Variants in CEMIP2 observed in about 807,000 individuals in gnomAD.
The protein encoded by CEMIP2 is cell surface hyaluronidase CEMIP2.
A neutral mutation model predicts 146.9 loss-of-function variants in CEMIP2; 79 were observed. The observed-to-expected ratio is 0.54, with a 90% CI of 0.45 to 0.65. The LOEUF (loss-of-function observed/expected upper bound fraction) is 0.65, where lower values mean the gene tolerates loss of function less well. CEMIP2 is among the 30% of genes least tolerant of loss of function. The pLI is 0.00. For synonymous variants in CEMIP2, 601 were observed against 606.3 expected (o/e 0.99, Z 0.13); for missense variants, 1,596 against 1,696.2 (o/e 0.94, Z 1.04).
At chr9:71,715,647 T>TATAC (rs1554682967) in intron 14 of CEMIP2, among the ~76,000 whole-genome samples, 1 of 138,260 alleles carries the variant, frequency 7.2e-6, no homozygotes, top group Admixed American at 7.3e-5. Context: ...TATATATATA[T>TATAC]ACTTTTTTTT....
chr9:71,757,859 TAA>T lies in CEMIP2; in HGVS notation c.-12-7476_-12-7475del, dbSNP rs1229540492. 2.6e-5 allele frequency among the ~76,000 whole-genome samples: 4 copies of T among 152,160 alleles called. No individual in the cohort carries two copies. The South Asian group carries it at 6.2e-4, about 24-fold the overall frequency. ...GTGAACTCAACAAATACCCTGTACA[TAA>T]AAAAGTGTTCAATTAGAAAATAACC... On this transcript the variant is annotated intron_variant, in intron 1 of 23. Coordinates refer to ENST00000377044, the MANE Select transcript of CEMIP2 (RefSeq NM_013390.3).
chr9:71,755,211 A>C (rs1824391647), intron 1 of CEMIP2, among the ~76,000 whole-genome samples: 2 of 146,746 alleles, frequency 1.4e-5, no homozygotes, highest in African/African-American at 5.1e-5. Flanking sequence ...TTTTACCTAT[A>C]AAAAGAGGCA....
rs144574476 is a variant in CEMIP2 at position 71,710,154 on chromosome 9, T to G, written c.2770-680A>C. Among the ~76,000 whole-genome samples, 110 of 152,322 alleles carry G rather than the reference T, an allele frequency of 7.2e-4. 1 individual carries two copies. Among genetic ancestry groups the G allele is most frequent in the Middle Eastern group, 6.8e-3 (2 of 294 alleles). On this transcript the variant is annotated intron_variant, in intron 16 of 23. Coordinates refer to ENST00000377044, the MANE Select transcript of CEMIP2 (RefSeq NM_013390.3). ...TACAGACCAAACTCAGCTCAACAATTTTCACATCCAGTAGAGTTTACTTAA... is the reference window on the plus strand; with the variant it reads ...TACAGACCAAACTCAGCTCAACAATGTTCACATCCAGTAGAGTTTACTTAA...
At chr9:71,692,129 A>C (rs1215121952) in intron 21 of CEMIP2, among the ~76,000 whole-genome samples, 4 of 151,462 alleles carry the variant, frequency 2.6e-5, no homozygotes, top group African/African-American at 7.3e-5. Flanking sequence ...AGAAAAAAAA[A>C]AACAACCAAA....
At chr9:71,702,194 G>C (rs567291315) in intron 18 of CEMIP2, among the ~76,000 whole-genome samples, 5 of 150,298 alleles carry the variant, frequency 3.3e-5, no homozygotes, top group African/African-American at 1.2e-4. Context: ...GGAGGCGGAG[G>C]TTGCAGTGAG....
Position 71,684,161 on chromosome 9 carries a change from G to A in CEMIP2, c.*1036C>T, listed in dbSNP as rs1322109666. 6 of 152,200 alleles carry A rather than the reference G, an allele frequency of 3.9e-5. No individual in the cohort carries two copies. The East Asian group carries it at 1.2e-3, about 29-fold the overall frequency. The allele number at this position is 152,200 out of a possible 1,614,324, so 9.4% of individuals were successfully genotyped here. A position where few individuals can be genotyped will look rare whatever the true frequency, so the allele number is the denominator to read the frequency against. ...TATTCTCTCCACGATTCTGACCCTA[G>A]AAAGCGCTCCTTTTTTTCCTCCCTG... On this transcript the variant is annotated 3_prime_UTR_variant, in exon 24 of 24. Transcript: ENST00000377044.
At chr9:71,704,931 T>C in intron 17 of CEMIP2, 128 bp from the exon 18 acceptor site, 1 of 838,422 alleles carries the variant, frequency 1.2e-6, no homozygotes, top group Non-Finnish European at 1.8e-6. Flanking sequence ...CCAGACTAAG[T>C]GAGCAGCAGC....
intron 18 of CEMIP2, among the ~76,000 whole-genome samples, chr9:71,702,062 A>C (rs12335416): frequency 0.051 from 7,766 of 152,168 alleles, 496 homozygotes; most frequent in African/African-American, 0.15. Flanking sequence ...GTTCAAGACC[A>C]GCCCGGGCAA....
chr9:71,686,729 GT>G (rs945672586), intron 22 of CEMIP2: 3 of 152,106 alleles, frequency 2.0e-5, no homozygotes, highest in Non-Finnish European at 4.4e-5. Context: ...TTGCATAGTG[GT>G]GAAGTCAGGG....
At chr9:71,726,412 A>G (rs187119070) in intron 10 of CEMIP2, among the ~76,000 whole-genome samples, 40 of 152,170 alleles carry the variant, frequency 2.6e-4, no homozygotes, top group African/African-American at 9.1e-4. Flanking sequence ...CCCAATGTGA[A>G]GGACAACTTC....
chr9:71,752,500 A>AGAGGGGGAGGGAGGGGG (rs1564026048), intron 1 of CEMIP2, among the ~76,000 whole-genome samples: 1 of 13,482 alleles, frequency 7.4e-5, no homozygotes, highest in Non-Finnish European at 1.3e-4. Flanking sequence ...AGGAGGGAGG[A>AGAGGGGGAGGGAGGGGG]AGGGGAAAGG....
intron 1 of CEMIP2, among the ~76,000 whole-genome samples, chr9:71,758,877 G>C (rs1189500024): frequency 6.6e-6 from 1 of 152,086 alleles, no homozygotes; most frequent in Non-Finnish European, 1.5e-5. Flanking sequence ...GTCCCACAAG[G>C]CGCATTCTCC....
At chr9:71,747,794 T>C (rs1589162758) in intron 2 of CEMIP2, among the ~76,000 whole-genome samples, 1 of 152,184 alleles carries the variant, frequency 6.6e-6, no homozygotes, top group Non-Finnish European at 1.5e-5. Flanking sequence ...CACAATGCCC[T>C]AGGTTTATGC....
rs572149306 is a variant in CEMIP2, at chr9:71,725,556, T to G, written c.2178+25A>C. ...CCTTTACACTGTCTAGCATATGTAC[T>G]AATTGTTAAAACTTAGAAACCTACC... On this transcript the variant is annotated intron_variant, in intron 11 of 23. Coordinates refer to ENST00000377044, the MANE Select transcript of CEMIP2 (RefSeq NM_013390.3). 2.6e-5 allele frequency: 42 copies of G among 1,610,814 alleles called. No homozygotes were observed. The East Asian group carries it at 4.0e-4, about 15-fold the overall frequency.
chr9:71,725,047 A>G (rs1490817022), intron 11 of CEMIP2, among the ~76,000 whole-genome samples: 1 of 152,184 alleles, frequency 6.6e-6, no homozygotes, highest in Non-Finnish European at 1.5e-5. Flanking sequence ...CGCAATAGGT[A>G]TGTATAAATG....
chr9:71,762,992 T>TG (rs1824681179), intron 1 of CEMIP2, among the ~76,000 whole-genome samples: 1 of 151,626 alleles, frequency 6.6e-6, no homozygotes, highest in South Asian at 2.1e-4. Context: ...CCATCCTGGG[T>TG]GACAGAGTGA....
At chr9:71,685,484 G>T in intron 23 of CEMIP2, 91 bp from the exon 24 acceptor site, 1 of 1,335,394 alleles carries the variant, frequency 7.5e-7, no homozygotes, top group Non-Finnish European at 9.8e-7. Context: ...TCGGAGGTGA[G>T]CAAAACAAAG....
intron 22 of CEMIP2, chr9:71,687,117 G>C (rs77770181): frequency 6.6e-6 from 1 of 152,018 alleles, no homozygotes; most frequent in Non-Finnish European, 1.5e-5. Context: ...TTTAATATTT[G>C]ATAAAAACAA....
rs1240967595 is a variant in CEMIP2, at chr9:71,709,170, C to CA, written c.2985+88dup. On this transcript the variant is annotated intron_variant, in intron 17 of 23. Transcript: ENST00000377044. ...AGATCATACTTTGGAAAATGTCAAT[C>CA]ACACTGAAAAGCTGAAGAGTACTTC... is the stretch of plus-strand genomic sequence containing the variant. The CA allele has an allele frequency of 4.9e-6, 6 of 1,220,136 alleles. No individual in the cohort carries two copies. The African/African-American group carries it at 5.9e-5, about 12-fold the overall frequency. The allele number at this position is 1,220,136 out of a possible 1,614,324, so 75.6% of individuals were successfully genotyped here. A position where few individuals can be genotyped will look rare whatever the true frequency, so the allele number is the denominator to read the frequency against.
Sources: allele counts gnomAD v4.1 joint callset (sites outside exome capture counted in the v4.1 genomes callset), GRCh38; gene constraint gnomAD v4.1.1; transcripts MANE v1.5; gene names NCBI Gene and HGNC (gene_info 2026-07-23, HGNC 2026-07-21).